HERC2: variants seen among roughly 807,000 people sequenced by gnomAD.
HERC2 encodes the protein E3 ubiquitin-protein ligase HERC2.
In HERC2, 102 loss-of-function variants were observed where a neutral mutation model predicts 537.7. The observed-to-expected ratio is 0.19, with a 90% confidence interval of 0.16 to 0.22. The LOEUF (loss-of-function observed/expected upper bound fraction) is 0.22, where lower values mean the gene tolerates loss of function less well. Ranked by LOEUF, HERC2 falls within the 10% of genes least tolerant of loss-of-function variation. HERC2 has a pLI of 1.00. For synonymous variants in HERC2, 2,224 were observed against 2,466.2 expected (o/e 0.90, Z 2.91); for missense variants, 4,236 against 6,198.2 (o/e 0.68, Z 10.63).
intron 2 of HERC2, among the ~76,000 whole-genome samples, chr15:28,306,449 A>C (rs966393911): frequency 3.3e-5 from 5 of 152,150 alleles, no homozygotes; most frequent in African/African-American, 1.2e-4. Flanking sequence ...TGATGTTTTT[A>C]ATGTGTTGTT....
intron 44 of HERC2, among the ~76,000 whole-genome samples, chr15:28,207,001 C>A (rs1244079117): frequency 3.3e-5 from 5 of 151,324 alleles, no homozygotes; most frequent in African/African-American, 9.7e-5. Context: ...CAGAGCGAGA[C>A]TCCATCTCAA....
At position 28,245,977 on chromosome 15, in the gene HERC2, G is replaced by A. The variant is rs774029225; in HGVS notation, c.3481C>T (p.Leu1161=). The A allele has an allele frequency of 5.0e-6, 8 of 1,613,878 alleles. No homozygotes were observed. The highest frequency in any genetic ancestry group is 6.8e-6 in the Non-Finnish European group (8 of 1,179,882). The change falls in exon 23 of 93, where the codon CTG becomes TTG. Residue 1161 remains leucine, a synonymous_variant. Coordinates refer to ENST00000261609, the MANE Select transcript of HERC2 (RefSeq NM_004667.6). The part of the protein sequence containing the change: ...LMQEAGAVPL[L]GGLLEHLDRF... ...TCCAGATGTTCCAACAGGCCACCCA[G>A]CAGAGGTACAGCTCCAGCCTCTTGC...
intron 69 of HERC2, among the ~76,000 whole-genome samples, chr15:28,156,494 G>C (rs1420206068): frequency 1.3e-5 from 2 of 152,068 alleles, no homozygotes; most frequent in Non-Finnish European, 2.9e-5. Flanking sequence ...TGGATTCCTA[G>C]GTATTTTATT....
In HERC2 at chr15:28,163,151, G is replaced by C. The variant is rs1198410199; in HGVS notation, c.10689C>G (p.Asp3563Glu). The C allele has an allele frequency of 1.7e-5, 28 of 1,613,106 alleles. No individual in the cohort carries two copies. Among genetic ancestry groups the C allele is most frequent in the African/African-American group, 2.7e-5 (2 of 75,042 alleles). ...LKLSVCSRAG[D>E]RGRDVLSAVL... ...CCGCGGAGAGCACATCCCTGCCCCTGTCCCCGGCCCGGCTGCACACTGACA... is the reference window on the plus strand; with the variant it reads ...CCGCGGAGAGCACATCCCTGCCCCTCTCCCCGGCCCGGCTGCACACTGACA... The change falls in exon 69 of 93, where the codon GAC (aspartate) becomes GAG (glutamate). Residue 3563 changes from aspartate (D) to glutamate (E), a missense_variant. Transcript: ENST00000261609.
rs183601499 is a variant in HERC2, at chr15:28,240,144, C to T, written c.3578-1372G>A. 2.5e-3 allele frequency among the ~76,000 whole-genome samples: 380 copies of T among 152,234 alleles called. 2 individuals carry two copies. The highest frequency in any genetic ancestry group is 4.2e-3 in the Non-Finnish European group (288 of 68,022). Reference sequence around the variant, plus strand: ...GCTTTAAAATAATCCAATCAGAGGGCGCAGTGGCTCACGCCTGTAATCCCA... The same window carrying T: ...GCTTTAAAATAATCCAATCAGAGGGTGCAGTGGCTCACGCCTGTAATCCCA... On this transcript the variant is annotated intron_variant, in intron 23 of 92. Transcript: ENST00000261609.
At chr15:28,173,806 A>AAC (rs1555414799) in intron 65 of HERC2, among the ~76,000 whole-genome samples, 12 of 151,740 alleles carry the variant, frequency 7.9e-5, no homozygotes, top group East Asian at 1.9e-4. Flanking sequence ...AAAAAAAAAA[A>AAC]AACCCAACCA....
rs114694773 is a variant in HERC2, at chr15:28,168,300, G to A, written c.10413+107C>T. The A allele has an allele frequency of 5.1e-3, 5,450 of 1,071,334 alleles. 216 individuals are homozygous for A. In the African/African-American group the frequency reaches 0.077, roughly 15 times the overall value. 66.4% of individuals were successfully genotyped at this position (1,071,334 alleles called of 1,614,324 possible). A position where few individuals can be genotyped will look rare whatever the true frequency, so the allele number is the denominator to read the frequency against. On this transcript the variant is annotated intron_variant, in intron 67 of 92. Coordinates refer to ENST00000261609, the MANE Select transcript of HERC2 (RefSeq NM_004667.6). Reference sequence around the variant, plus strand: ...TCTAAGTAAAGCCAAAAATCTAAGCGGGAGGCACAGAAACAGCCTAAACTA... The same window carrying A: ...TCTAAGTAAAGCCAAAAATCTAAGCAGGAGGCACAGAAACAGCCTAAACTA...
chr15:28,255,636 T>C (rs1265748217), intron 19 of HERC2, among the ~76,000 whole-genome samples: 1 of 152,224 alleles, frequency 6.6e-6, no homozygotes, highest in Non-Finnish European at 1.5e-5. Flanking sequence ...ATGGTCTACA[T>C]GAGGAACAGG....
intron 17 of HERC2, 59 bp from the exon 18 acceptor site, chr15:28,256,376 C>T (rs2075261986): frequency 9.2e-7 from 1 of 1,089,524 alleles, no homozygotes; most frequent in Admixed American, 2.2e-5. Flanking sequence ...ATTTCAAAGT[C>T]TTATTAAACA....
intron 79 of HERC2, among the ~76,000 whole-genome samples, chr15:28,133,435 C>CAGTT (rs1177200297): frequency 1.3e-5 from 2 of 152,158 alleles, no homozygotes; most frequent in Non-Finnish European, 2.9e-5. Flanking sequence ...TTTTGAAGAA[C>CAGTT]AGTTCATAAT....
Position 28,124,018 on chromosome 15 carries a change from A to C in HERC2, c.13188+19T>G. Reference sequence around the variant, plus strand: ...GAAGACACCAGTTTCCCCTAGAGCAAAGATTGCCACTTGAATACCTTTCCC... The same window carrying C: ...GAAGACACCAGTTTCCCCTAGAGCACAGATTGCCACTTGAATACCTTTCCC... On this transcript the variant is annotated intron_variant, in intron 85 of 92. Transcript: ENST00000261609. 1 of 1,557,094 alleles carries C rather than the reference A, an allele frequency of 6.4e-7. No individual in the cohort carries two copies. The highest frequency in any genetic ancestry group is 8.7e-7 in the Non-Finnish European group (1 of 1,148,396).
chr15:28,287,824 C>T lies in HERC2; in HGVS notation c.322+5064G>A, dbSNP rs143153426. On this transcript the variant is annotated intron_variant, in intron 4 of 92. Transcript: ENST00000261609. ...CTGCAAGCTCCGCCTCCTGGGTTCACGCCATTCTCCTGCCTGAGCTTCCCG... is the reference window on the plus strand; with the variant it reads ...CTGCAAGCTCCGCCTCCTGGGTTCATGCCATTCTCCTGCCTGAGCTTCCCG... 3.9e-3 allele frequency among the ~76,000 whole-genome samples: 591 copies of T among 150,452 alleles called. 6 individuals are homozygous for T. The highest frequency in any genetic ancestry group is 0.013 in the African/African-American group (541 of 40,726).
chr15:28,305,195 T>G (rs2076751537), intron 2 of HERC2, among the ~76,000 whole-genome samples: 1 of 148,976 alleles, frequency 6.7e-6, no homozygotes, highest in South Asian at 2.2e-4. Context: ...TGTGTCTTTA[T>G]AGCAGCATGA....
rs1055387249 is a variant in HERC2 at position 28,177,218 on chromosome 15, C to T, written c.9255-91G>A. 2 of 1,332,172 alleles carry T rather than the reference C, an allele frequency of 1.5e-6. No homozygotes were observed. Among genetic ancestry groups the T allele is most frequent in the Non-Finnish European group, 2.1e-6 (2 of 960,744 alleles). The allele number at this position is 1,332,172 out of a possible 1,614,324, so 82.5% of individuals were successfully genotyped here. A position where few individuals can be genotyped will look rare whatever the true frequency, so the allele number is the denominator to read the frequency against. On this transcript the variant is annotated intron_variant, in intron 60 of 92. Transcript: ENST00000261609. The surrounding 1 kb of genome is among the most constrained non-coding windows in gnomAD (Gnocchi z 5.0). ...ACATCTATACTGATCCACATGTAGTCAACACAGGATCCACAGATCAACTAT... is the reference window on the plus strand; with the variant it reads ...ACATCTATACTGATCCACATGTAGTTAACACAGGATCCACAGATCAACTAT...
At chr15:28,306,798 T>C (rs548067485) in intron 2 of HERC2, among the ~76,000 whole-genome samples, 1 of 152,350 alleles carries the variant, frequency 6.6e-6, no homozygotes, top group African/African-American at 2.4e-5. Flanking sequence ...TGGTTCAAAC[T>C]TGGAAGGCTG....
At chr15:28,145,610 T>A (rs988283766) in intron 71 of HERC2, among the ~76,000 whole-genome samples, 14 of 152,192 alleles carry the variant, frequency 9.2e-5, no homozygotes, top group Non-Finnish European at 1.9e-4. Flanking sequence ...ACGCCCATTC[T>A]CTGGCATCCA....
chr15:28,136,902 GAT>G (rs1890701183), intron 78 of HERC2, among the ~76,000 whole-genome samples: 1 of 151,924 alleles, frequency 6.6e-6, no homozygotes, highest in South Asian at 2.1e-4. Flanking sequence ...AATTGAGAAA[GAT>G]ATGCTAAAGG....
intron 64 of HERC2, among the ~76,000 whole-genome samples, chr15:28,175,277 G>T (rs1467741406): frequency 1.3e-5 from 2 of 151,908 alleles, no homozygotes; most frequent in Non-Finnish European, 2.9e-5. Context: ...TTTTCACGTG[G>T]ACTTCAGAGT....
At chr15:28,241,545 G>A (rs1463440243) in intron 23 of HERC2, among the ~76,000 whole-genome samples, 4 of 152,186 alleles carry the variant, frequency 2.6e-5, no homozygotes, top group Admixed American at 6.5e-5. Flanking sequence ...AAGCAGGCCG[G>A]GCGCAGTGGC....
Sources: allele counts gnomAD v4.1 joint callset (sites outside exome capture counted in the v4.1 genomes callset), GRCh38; gene constraint gnomAD v4.1.1; non-coding constraint Gnocchi (gnomAD v3.1); transcripts MANE v1.5; gene names NCBI Gene and HGNC (gene_info 2026-07-23, HGNC 2026-07-21).